Variants in EFCAB5 observed in about 807,000 individuals in gnomAD.
The protein encoded by EFCAB5 is EF-hand calcium binding domain 5.
A neutral mutation model predicts 167.9 loss-of-function variants in EFCAB5; 131 were observed. The ratio of observed to expected loss-of-function variants is 0.78; its 90% CI spans 0.68 to 0.90. The LOEUF (loss-of-function observed/expected upper bound fraction) is 0.90. EFCAB5 is among the 40% of genes least tolerant of loss of function. EFCAB5 has a pLI of 0.00. For synonymous variants in EFCAB5, 574 were observed against 602.8 expected (o/e 0.95, Z 0.70); for missense variants, 1,663 against 1,745.2 (o/e 0.95, Z 0.84).
chr17:30,037,748 C>T (rs1466374756), intron 8 of EFCAB5, among the ~76,000 whole-genome samples: 1 of 151,924 alleles, frequency 6.6e-6, no homozygotes, highest in East Asian at 1.9e-4. Flanking sequence ...ATTTTTATTC[C>T]ATAGAAATAA....
intron 14 of EFCAB5, chr17:30,073,209 T>C: frequency 1.5e-6 from 1 of 684,918 alleles, no homozygotes; most frequent in South Asian, 1.5e-5. Flanking sequence ...GTGTGCATCA[T>C]CAGGCCTGGC....
rs372086438 is a variant in EFCAB5, at chr17:30,078,470, C to T, written c.2993C>T (p.Pro998Leu). ...GAGACAAGTGGGGTGTCCCTAGAGCCGGTGTATAGTGAGACCTTTAAGGCC... is the reference window on the plus strand; with the variant it reads ...GAGACAAGTGGGGTGTCCCTAGAGCTGGTGTATAGTGAGACCTTTAAGGCC... ...AAETSGVSLEPVYSETFKALM... is the reference protein window; with the variant it reads ...AAETSGVSLELVYSETFKALM... The change falls in exon 15 of 23, where the codon CCG becomes CTG. Residue 998 changes from proline to leucine, a missense_variant. By Grantham distance (98) the Pro-to-Leu change is moderately conservative. Transcript: ENST00000394835. 109 of 1,611,450 alleles carry T rather than the reference C, an allele frequency of 6.8e-5. No individual in the cohort carries two copies. In the African/African-American group the frequency reaches 9.8e-4, roughly 14 times the overall value.
chr17:29,975,352 C>T (rs182972493), intron 4 of EFCAB5, among the ~76,000 whole-genome samples: 60 of 152,164 alleles, frequency 3.9e-4, no homozygotes, highest in African/African-American at 9.6e-4. Flanking sequence ...CTCCGCCTCC[C>T]GGCAGCGATT....
chr17:30,011,867 C>T (rs1381333360), intron 7 of EFCAB5, among the ~76,000 whole-genome samples: 2 of 152,116 alleles, frequency 1.3e-5, no homozygotes, highest in South Asian at 2.1e-4. Flanking sequence ...AAATATAAAA[C>T]AAGAATAGTT....
At chr17:29,994,538 A>G (rs1364608811) in intron 5 of EFCAB5, among the ~76,000 whole-genome samples, 1 of 152,182 alleles carries the variant, frequency 6.6e-6, no homozygotes, top group African/African-American at 2.4e-5. Flanking sequence ...ACCCTTAAGT[A>G]TTCTAAGAGG....
At chr17:29,996,160 G>A in intron 5 of EFCAB5, 152 bp from the exon 6 acceptor site, 2 of 588,150 alleles carry the variant, frequency 3.4e-6, no homozygotes, top group Non-Finnish European at 6.0e-6. Context: ...GAAAGTATAT[G>A]TGACTTATTA....
intron 1 of EFCAB5, among the ~76,000 whole-genome samples, chr17:29,933,555 C>T (rs2067220463): frequency 6.6e-6 from 1 of 152,148 alleles, no homozygotes; most frequent in Non-Finnish European, 1.5e-5. Context: ...AAAGAGGGAG[C>T]CAAAGAGACA....
chr17:29,940,768 G>A (rs375052927), upstream of EFCAB5, among the ~76,000 whole-genome samples: 3 of 152,060 alleles, frequency 2.0e-5, no homozygotes, highest in East Asian at 1.9e-4. Flanking sequence ...GGCCGGGTGC[G>A]GTGCCTCACA....
At chr17:30,063,006 A>G (rs900043311) in intron 14 of EFCAB5, among the ~76,000 whole-genome samples, 13 of 152,116 alleles carry the variant, frequency 8.5e-5, no homozygotes, top group African/African-American at 3.1e-4. Context: ...ACCCTGGCCA[A>G]ACTGAGCTGC....
chr17:29,943,043 T>A (rs1476816796), intron 2 of EFCAB5, among the ~76,000 whole-genome samples: 1 of 32,164 alleles, frequency 3.1e-5, no homozygotes, highest in Non-Finnish European at 6.0e-5. Flanking sequence ...ATCTCCAAAA[T>A]ATATATATAT....
intron 22 of EFCAB5, among the ~76,000 whole-genome samples, chr17:30,097,484 C>T (rs1483473244): frequency 6.6e-6 from 1 of 152,226 alleles, no homozygotes; most frequent in Non-Finnish European, 1.5e-5. Context: ...TGTTCTTTCA[C>T]TGTTTCTTCT....
intron 6 of EFCAB5, 44 bp from the exon 7 acceptor site, chr17:29,999,862 T>C: frequency 7.2e-7 from 1 of 1,394,984 alleles, no homozygotes; most frequent in Non-Finnish European, 9.9e-7. Flanking sequence ...CAAATATATA[T>C]TACAACCTAA....
At chr17:30,084,749 AG>A (rs1231875926) in intron 18 of EFCAB5, among the ~76,000 whole-genome samples, 3 of 152,164 alleles carry the variant, frequency 2.0e-5, no homozygotes, top group Non-Finnish European at 4.4e-5. Context: ...AAGATAAACC[AG>A]TATCCATGGG....
At chr17:29,975,262 AT>A (rs947245726) in intron 4 of EFCAB5, among the ~76,000 whole-genome samples, 204 of 142,878 alleles carry the variant, frequency 1.4e-3, no homozygotes, top group Middle Eastern at 3.7e-3. Flanking sequence ...ACCTACACTA[AT>A]TTTTTTTTTT....
At chr17:30,054,931 C>T (rs771960195) in intron 10 of EFCAB5, among the ~76,000 whole-genome samples, 8 of 152,028 alleles carry the variant, frequency 5.3e-5, no homozygotes, top group Non-Finnish European at 1.0e-4. Flanking sequence ...TGGCTTCAGT[C>T]GCAATAGTAA....
chr17:29,988,175 A>G (rs558833698), intron 4 of EFCAB5, among the ~76,000 whole-genome samples: 28 of 152,220 alleles, frequency 1.8e-4, no homozygotes, highest in Non-Finnish European at 3.1e-4. Flanking sequence ...GTGATCAGCC[A>G]TTTGATTCCC....
intron 4 of EFCAB5, among the ~76,000 whole-genome samples, chr17:29,979,853 T>C (rs897483919): frequency 2.0e-5 from 3 of 152,154 alleles, no homozygotes; most frequent in African/African-American, 7.2e-5. Context: ...GCTCAATAAA[T>C]GTTAGATGAA....
chr17:30,047,212 A>G (rs1278823745), intron 8 of EFCAB5, among the ~76,000 whole-genome samples: 6 of 152,114 alleles, frequency 3.9e-5, no homozygotes, highest in African/African-American at 1.2e-4. Flanking sequence ...TTGGCTTACT[A>G]TACAGTAAGA....
intron 1 of EFCAB5, among the ~76,000 whole-genome samples, 185 bp downstream of exon 1, chr17:29,942,023 C>A (rs950687783): frequency 1.3e-5 from 2 of 152,178 alleles, no homozygotes; most frequent in Non-Finnish European, 2.9e-5. Flanking sequence ...GTCATGGCGA[C>A]CTGCTTCTAG....
Sources: allele counts gnomAD v4.1 joint callset (sites outside exome capture counted in the v4.1 genomes callset), GRCh38; gene constraint gnomAD v4.1.1; transcripts MANE v1.5; gene names NCBI Gene and HGNC (gene_info 2026-07-23, HGNC 2026-07-21).